The following ZRANB1 variants were observed in gnomAD, a reference collection of about 807,000 sequenced individuals.
ZRANB1 encodes ubiquitin thioesterase ZRANB1.
ZRANB1 carries 16 observed loss-of-function variants against 80.5 expected under a neutral mutation model. The observed-to-expected ratio is 0.20, with a 90% CI of 0.13 to 0.30. The LOEUF (loss-of-function observed/expected upper bound fraction) is 0.30. ZRANB1 is among the 10% of genes least tolerant of loss of function. The pLI, the probability that ZRANB1 is intolerant of heterozygous loss-of-function variation, is 1.00. For synonymous variants in ZRANB1, 291 were observed against 293.1 expected (o/e 0.99, Z 0.07); for missense variants, 576 against 862.6 (o/e 0.67, Z 4.16).
At chr10:124,918,585 G>T in the ZRANB1 span, among the ~76,000 whole-genome samples, 1 of 152,196 alleles carries the variant, frequency 6.6e-6, no homozygotes, top group African/African-American at 2.4e-5. Context: ...GCAGCATCCA[G>T]CAGTACCCCT....
At position 124,971,895 on chromosome 10, in the gene ZRANB1, T is replaced by C. The variant is rs1323021362; in HGVS notation, c.1003-70T>C. On this transcript the variant is annotated intron_variant, in intron 2 of 8. Transcript: ENST00000359653. ...TATTGGGAAATTTTGCTGATTTCTT[T>C]TAAATACTGTTGTTTTCTGCTTCCA... 1.5e-5 allele frequency: 21 copies of C among 1,413,782 alleles called. 1 individual carries two copies. In the South Asian group the frequency reaches 3.7e-4, roughly 25 times the overall value. The allele number at this position is 1,413,782 out of a possible 1,614,324, so 87.6% of individuals were successfully genotyped here.
At chr10:124,957,163 A>G (rs1379682238) in intron 1 of ZRANB1, among the ~76,000 whole-genome samples, 4 of 96,640 alleles carry the variant, frequency 4.1e-5, no homozygotes, top group Admixed American at 1.3e-4. Context: ...CTAATCTAGA[A>G]CAGCACCTGT....
intron 1 of ZRANB1, among the ~76,000 whole-genome samples, chr10:124,948,983 A>T (rs753259122): frequency 6.6e-6 from 1 of 152,162 alleles, no homozygotes; most frequent in Non-Finnish European, 1.5e-5. Context: ...GTTGGGGCTC[A>T]ACCCAGGAGA....
intron 5 of ZRANB1, among the ~76,000 whole-genome samples, chr10:124,976,972 G>A (rs1178726787): frequency 6.6e-6 from 1 of 151,322 alleles, no homozygotes; most frequent in Middle Eastern, 3.2e-3. Flanking sequence ...TTTTGGTGGT[G>A]GTGTTTGTTT....
intron 1 of ZRANB1, among the ~76,000 whole-genome samples, chr10:124,960,466 C>CT (rs1951723893): frequency 6.6e-6 from 1 of 152,194 alleles, no homozygotes; most frequent in Non-Finnish European, 1.5e-5. Flanking sequence ...GGGTCTCACT[C>CT]TGTTACCCAG....
In ZRANB1 at chr10:124,966,728, C is replaced by T. The variant is rs1951779960; in HGVS notation, c.949C>T (p.His317Tyr). ...CTTTGATGTTGGCTATACTCTTGTA[C>T]ACTTGGCTATACGTTTTCAGAGGCA... ...SAFDVGYTLVHLAIRFQRQDM... is the reference protein window; with the variant it reads ...SAFDVGYTLVYLAIRFQRQDM... Residue 317 changes from histidine (H) to tyrosine (Y), a missense_variant, in exon 2 of 9, where the codon CAC becomes TAC. Around this residue, in one of 3 missense-constraint regions of ZRANB1, gnomAD observed 411 missense variants for 583.1 expected, o/e 0.70. Coordinates refer to ENST00000359653, the MANE Select transcript of ZRANB1 (RefSeq NM_017580.3). 1 of 1,614,158 alleles carries T rather than the reference C, an allele frequency of 6.2e-7. No homozygotes were observed. Among genetic ancestry groups the T allele is most frequent in the Non-Finnish European group, 8.5e-7 (1 of 1,180,018 alleles).
intron 1 of ZRANB1, among the ~76,000 whole-genome samples, chr10:124,956,043 C>T (rs948836676): frequency 2.6e-5 from 4 of 152,146 alleles, no homozygotes; most frequent in Admixed American, 6.5e-5. Context: ...ACGTAGTTCT[C>T]GGCTTTCAGA....
At chr10:124,933,172 T>C in the ZRANB1 span, among the ~76,000 whole-genome samples, 647 of 151,062 alleles carry the variant, frequency 4.3e-3, 10 homozygotes, top group Admixed American at 0.015. Context: ...ATTTTGCTCT[T>C]GTTGCCCAGG....
At position 124,942,715 on chromosome 10, in the gene ZRANB1, A is replaced by G. The variant is rs764551046; in HGVS notation, c.222A>G (p.Pro74=). 56 of 1,614,122 alleles carry G rather than the reference A, an allele frequency of 3.5e-5. No homozygotes were observed. The highest frequency in any genetic ancestry group is 4.7e-5 in the Non-Finnish European group (55 of 1,180,040). The change falls in exon 1 of 9, where the codon CCA becomes CCG. Residue 74 remains proline (P), a synonymous_variant. Coordinates refer to ENST00000359653, the MANE Select transcript of ZRANB1 (RefSeq NM_017580.3). ...PLICPDSSAR[P]RVKSSYSMEN... ...TATGTCCAGACTCTAGTGCAAGACC[A>G]AGGGTGAAATCTTCGTATAGCATGG...
intron 1 of ZRANB1, among the ~76,000 whole-genome samples, chr10:124,960,828 C>A (rs554297277): frequency 6.6e-6 from 1 of 152,284 alleles, no homozygotes; most frequent in Non-Finnish European, 1.5e-5. Context: ...TTATAAAAAT[C>A]TAAAATTTAG....
chr10:124,925,462 A>AT, the ZRANB1 span, among the ~76,000 whole-genome samples: 5 of 151,702 alleles, frequency 3.3e-5, no homozygotes, highest in East Asian at 1.9e-4. Flanking sequence ...TTTGTTGGTG[A>AT]TTTTTTGCAA....
Position 124,966,753 on chromosome 10 carries a change from A to G in ZRANB1, c.974A>G (p.Gln325Arg). The G allele has an allele frequency of 6.2e-7, 1 of 1,614,114 alleles. No individual in the cohort carries two copies. The highest frequency in any genetic ancestry group is 8.5e-7 in the Non-Finnish European group (1 of 1,179,954). Residue 325 changes from glutamine to arginine, a missense_variant, in exon 2 of 9, where the codon CAG (glutamine) becomes CGG (arginine). Physicochemically the swap from Gln to Arg is conservative, Grantham distance 43. This residue lies in a region of ZRANB1 where 411 missense variants were observed against 583.1 expected (regional missense o/e 0.70). Coordinates refer to ENST00000359653, the MANE Select transcript of ZRANB1 (RefSeq NM_017580.3). ...LVHLAIRFQR[Q>R]DMLAILLTEV... ...CACTTGGCTATACGTTTTCAGAGGC[A>G]GGATATGCTAGCAATATTGCTTACA...
chr10:124,979,191 G>A (rs767799304), intron 5 of ZRANB1, among the ~76,000 whole-genome samples: 9 of 152,172 alleles, frequency 5.9e-5, no homozygotes, highest in Non-Finnish European at 8.8e-5. Flanking sequence ...GAACTCCTGG[G>A]CTCAGGTGAT....
the ZRANB1 span, among the ~76,000 whole-genome samples, chr10:124,934,146 TTAGTTG>T: frequency 6.6e-6 from 1 of 152,134 alleles, no homozygotes. Flanking sequence ...TGGAATGAAG[TTAGTTG>T]TAGTTGTAGA....
the ZRANB1 span, among the ~76,000 whole-genome samples, chr10:124,916,929 G>A: frequency 6.6e-6 from 1 of 151,856 alleles, no homozygotes. Flanking sequence ...CGCCATTAGG[G>A]TCCGCAGCGC....
chr10:124,966,974 A>G (rs895224304), intron 2 of ZRANB1, among the ~76,000 whole-genome samples, 193 bp downstream of exon 2: 2 of 152,254 alleles, frequency 1.3e-5, no homozygotes, highest in Non-Finnish European at 2.9e-5. Context: ...TTGAATAGTC[A>G]CAACAATGTT....
At chr10:124,952,445 C>T (rs951835107) in intron 1 of ZRANB1, among the ~76,000 whole-genome samples, 1 of 152,194 alleles carries the variant, frequency 6.6e-6, no homozygotes, top group African/African-American at 2.4e-5. Flanking sequence ...TGAAGGAGCA[C>T]AGCCTTCCCA....
chr10:124,975,895 A>C (rs1951872769), intron 5 of ZRANB1, among the ~76,000 whole-genome samples: 1 of 152,178 alleles, frequency 6.6e-6, no homozygotes, highest in African/African-American at 2.4e-5. Context: ...CCAGCTATTC[A>C]GGAAGCTGAG....
chr10:124,930,163 T>C, the ZRANB1 span, among the ~76,000 whole-genome samples: 72 of 152,282 alleles, frequency 4.7e-4, no homozygotes, highest in Non-Finnish European at 5.7e-4. Context: ...TTTTCAGATG[T>C]GAGGCTTGGG....
Sources: gnomAD v4.1 joint callset for allele counts (sites outside exome capture counted in the v4.1 genomes callset) on GRCh38, gnomAD v4.1.1 for gene constraint, gnomAD v4.1.1 regional missense constraint, MANE v1.5 for transcripts, NCBI Gene and HGNC (gene_info 2026-07-23, HGNC 2026-07-21) for gene names.